Variants in GPR176 observed in about 807,000 individuals in gnomAD.
GPR176 encodes the protein G protein-coupled receptor 176.
A neutral mutation model predicts 35.4 loss-of-function variants in GPR176; 26 were observed. That is an observed-to-expected ratio of 0.74 (90% CI 0.54 to 1.02). The LOEUF is 1.02. Ranked by LOEUF, GPR176 falls within the 50% of genes least tolerant of loss-of-function variation. The pLI is 0.00. For missense variants in GPR176, 597 were observed against 665.3 expected, an observed-to-expected ratio of 0.90 and a Z score of 1.13; for synonymous variants, 278 against 271.3, an observed-to-expected ratio of 1.02 and a Z score of -0.24.
At chr15:39,872,273 T>C (rs1566958004) in intron 1 of GPR176, among the ~76,000 whole-genome samples, 1 of 152,134 alleles carries the variant, frequency 6.6e-6, no homozygotes, top group Non-Finnish European at 1.5e-5. Context: ...GTGAGGGCAT[T>C]TGGGATGTTC....
chr15:39,813,823 T>C (rs1191894910), intron 1 of GPR176, among the ~76,000 whole-genome samples: 2 of 152,222 alleles, frequency 1.3e-5, no homozygotes, highest in African/African-American at 4.8e-5. Context: ...TTCATTATTA[T>C]ACAATGCTGA....
At chr15:39,863,642 C>T (rs938959069) in intron 1 of GPR176, among the ~76,000 whole-genome samples, 2 of 152,160 alleles carry the variant, frequency 1.3e-5, no homozygotes, top group East Asian at 3.8e-4. Context: ...TGGGCCTTCA[C>T]ACTCACCAAC....
At chr15:39,883,813 A>G (rs1189551321) in intron 1 of GPR176, among the ~76,000 whole-genome samples, 1 of 152,148 alleles carries the variant, frequency 6.6e-6, no homozygotes, top group African/African-American at 2.4e-5. Flanking sequence ...ATTGTTTTCT[A>G]TTTTTCTTAC....
chr15:39,837,963 G>T (rs1034007535), intron 1 of GPR176, among the ~76,000 whole-genome samples: 7 of 142,584 alleles, frequency 4.9e-5, no homozygotes, highest in Middle Eastern at 3.9e-3. Flanking sequence ...GACCAGCCTG[G>T]CAACATACCA....
chr15:39,807,577 GGCA>G, intron 1 of GPR176: 1 of 1,504,912 alleles, frequency 6.6e-7, no homozygotes, highest in African/African-American at 1.4e-5. Flanking sequence ...CTTAATCCCA[GGCA>G]GTCTGCTCTT....
At chr15:39,874,704 T>C (rs1488625940) in intron 1 of GPR176, among the ~76,000 whole-genome samples, 1 of 152,218 alleles carries the variant, frequency 6.6e-6, no homozygotes, top group East Asian at 1.9e-4. Context: ...TTGCTTTCCA[T>C]ACACCTTACA....
At chr15:39,894,821 G>A (rs192233637) in intron 1 of GPR176, among the ~76,000 whole-genome samples, 14 of 152,286 alleles carry the variant, frequency 9.2e-5, no homozygotes, top group Non-Finnish European at 2.1e-4. Context: ...ACGGGGTGGT[G>A]GCCGGGCAGA....
chr15:39,837,892 GTCTGTAA>G (rs1200277115), intron 1 of GPR176, among the ~76,000 whole-genome samples: 1 of 151,134 alleles, frequency 6.6e-6, no homozygotes, highest in African/African-American at 2.4e-5. Flanking sequence ...GGTGGCTCAT[GTCTGTAA>G]TCCCAGCACT....
intron 1 of GPR176, among the ~76,000 whole-genome samples, chr15:39,808,299 T>C (rs745395208): frequency 6.6e-6 from 1 of 152,224 alleles, no homozygotes; most frequent in Non-Finnish European, 1.5e-5. Context: ...CCTACTCCGA[T>C]GCCTGCTGCC....
intron 2 of GPR176, among the ~76,000 whole-genome samples, chr15:39,804,617 TA>T (rs36014645): frequency 1.2e-3 from 172 of 138,300 alleles, no homozygotes; most frequent in Admixed American, 2.1e-3. Flanking sequence ...GAGTCTTATT[TA>T]AAAAAAAAAA....
At chr15:39,837,807 C>CT (rs1193119185) in intron 1 of GPR176, among the ~76,000 whole-genome samples, 3 of 151,974 alleles carry the variant, frequency 2.0e-5, no homozygotes, top group Non-Finnish European at 4.4e-5. Context: ...TTATCTTTGT[C>CT]TTTTCATCAC....
chr15:39,911,958 A>G (rs2033589901), intron 1 of GPR176, among the ~76,000 whole-genome samples: 1 of 152,230 alleles, frequency 6.6e-6, no homozygotes, highest in Admixed American at 6.5e-5. Flanking sequence ...ACTTTAATAC[A>G]CTAACATCTG....
At chr15:39,868,974 A>C (rs2031938790) in intron 1 of GPR176, among the ~76,000 whole-genome samples, 2 of 150,856 alleles carry the variant, frequency 1.3e-5, no homozygotes, top group African/African-American at 4.9e-5. Flanking sequence ...CCCCAAATAC[A>C]GCCTAGGCAA....
intron 1 of GPR176, chr15:39,807,637 A>C: frequency 1.2e-6 from 1 of 857,294 alleles, no homozygotes; most frequent in South Asian, 1.4e-5. Context: ...TGCAACAGAA[A>C]TACAGTGCAA....
At chr15:39,843,894 CCTATAAAG>C (rs2030214990) in intron 1 of GPR176, among the ~76,000 whole-genome samples, 1 of 152,036 alleles carries the variant, frequency 6.6e-6, no homozygotes, top group African/African-American at 2.4e-5. Context: ...CTAGGGGAGG[CCTATAAAG>C]CTTAGAGAAA....
chr15:39,838,591 A>T (rs1901551571), intron 1 of GPR176, among the ~76,000 whole-genome samples: 1 of 152,128 alleles, frequency 6.6e-6, no homozygotes, highest in East Asian at 1.9e-4. Context: ...CCACATGATT[A>T]TCTCAATAGA....
intron 1 of GPR176, among the ~76,000 whole-genome samples, chr15:39,871,136 T>C (rs1057329254): frequency 6.6e-6 from 1 of 152,118 alleles, no homozygotes; most frequent in Non-Finnish European, 1.5e-5. Flanking sequence ...GCACAGAATT[T>C]AAAAAGAGAA....
rs114751471 is a variant in GPR176 at position 39,916,626 on chromosome 15, T to C, written c.172+3229A>G. Among the ~76,000 whole-genome samples, 1,483 of 152,250 alleles carry C rather than the reference T, an allele frequency of 9.7e-3. 21 individuals carry two copies. The highest frequency in any genetic ancestry group is 0.034 in the African/African-American group (1,427 of 41,540). On this transcript the variant is annotated intron_variant, in intron 1 of 2. Coordinates refer to ENST00000561100, the MANE Select transcript of GPR176 (RefSeq NM_007223.3). The stretch of plus-strand genomic sequence containing the variant: ...ATAAAAAAGAAGTCTATTTAGAGAA[T>C]ATAAGAAGTATATTTAAATTTGTTT...
intron 1 of GPR176, among the ~76,000 whole-genome samples, chr15:39,908,385 T>A (rs2033480792): frequency 6.6e-6 from 1 of 152,152 alleles, no homozygotes; most frequent in Non-Finnish European, 1.5e-5. Context: ...GAGAATGTGC[T>A]ATTAAATGAG....
Sources: gnomAD v4.1 joint callset for allele counts (sites outside exome capture counted in the v4.1 genomes callset) on GRCh38, gnomAD v4.1.1 for gene constraint, MANE v1.5 for transcripts, NCBI Gene and HGNC (gene_info 2026-07-23, HGNC 2026-07-21) for gene names.